Variants in CCSER1 observed in about 807,000 individuals in gnomAD.
The protein encoded by CCSER1 is serine-rich coiled-coil domain-containing protein 1.
A neutral mutation model predicts 82.0 loss-of-function variants in CCSER1; 41 were observed. The ratio of observed to expected loss-of-function variants is 0.50; its 90% confidence interval spans 0.39 to 0.65. CCSER1 has a LOEUF of 0.65. Ranked by LOEUF, CCSER1 falls within the 30% of genes least tolerant of loss-of-function variation. The pLI, the probability that CCSER1 is intolerant of heterozygous loss-of-function variation, is 0.00. For missense variants in CCSER1, 1,119 were observed against 1,064.2 expected (o/e 1.05, Z -0.72); for synonymous variants, 414 against 383.9 (o/e 1.08, Z -0.92).
At chr4:90,513,024 G>A (rs1001584672) in intron 5 of CCSER1, among the ~76,000 whole-genome samples, 43 of 152,172 alleles carry the variant, frequency 2.8e-4, no homozygotes, top group African/African-American at 9.6e-4. Flanking sequence ...AGCCGCTTGT[G>A]GGTAACTGGT....
Position 91,155,571 on chromosome 4 carries a change from A to T in CCSER1, c.2217+69577A>T, listed in dbSNP as rs1014019102. On this transcript the variant is annotated intron_variant, in intron 10 of 10. Coordinates refer to ENST00000509176, the MANE Select transcript of CCSER1 (RefSeq NM_001145065.2). ...ATTTGGGAGTCATGAACAAGTAGAG[A>T]GGGTCAACTTTCCATATCATTTTCA... is the stretch of plus-strand genomic sequence containing the variant. Among the ~76,000 whole-genome samples, 14 of 151,956 alleles carry T rather than the reference A, an allele frequency of 9.2e-5. 1 individual carries two copies. Among genetic ancestry groups the T allele is most frequent in the Non-Finnish European group, 1.9e-4 (13 of 67,908 alleles).
intron 7 of CCSER1, among the ~76,000 whole-genome samples, chr4:90,814,158 C>T (rs546577636): frequency 3.9e-4 from 60 of 152,288 alleles, no homozygotes; most frequent in African/African-American, 1.3e-3. Flanking sequence ...CTGGGCTGTA[C>T]GTTGGCCCCT....
At chr4:91,035,212 T>C (rs1056981971) in intron 9 of CCSER1, among the ~76,000 whole-genome samples, 3 of 151,026 alleles carry the variant, frequency 2.0e-5, no homozygotes, top group Non-Finnish European at 2.9e-5. Flanking sequence ...ACCAAAAGAT[T>C]AGTATTAAAC....
At chr4:90,476,294 A>G (rs1765096398) in intron 5 of CCSER1, among the ~76,000 whole-genome samples, 1 of 151,922 alleles carries the variant, frequency 6.6e-6, no homozygotes, top group Non-Finnish European at 1.5e-5. Flanking sequence ...TGCCTTCACC[A>G]CTCACTCTGT....
intron 10 of CCSER1, among the ~76,000 whole-genome samples, chr4:91,099,862 T>C (rs768867288): frequency 2.6e-5 from 4 of 152,154 alleles, no homozygotes; most frequent in Non-Finnish European, 5.9e-5. Context: ...GGTTTCCTAT[T>C]CAGATCTTTA....
intron 10 of CCSER1, among the ~76,000 whole-genome samples, chr4:91,224,807 A>AT (rs1343273586): frequency 1.3e-5 from 2 of 151,416 alleles, no homozygotes; most frequent in African/African-American, 2.4e-5. Flanking sequence ...CATTGTTACT[A>AT]TTTTTTTTAA....
chr4:91,387,935 GA>G (rs543752912), intron 10 of CCSER1, among the ~76,000 whole-genome samples: 7 of 151,598 alleles, frequency 4.6e-5, no homozygotes, highest in South Asian at 2.1e-4. Flanking sequence ...ATGAAATGTA[GA>G]AAAAAAATGT....
chr4:91,380,938 C>T (rs191660033), intron 10 of CCSER1, among the ~76,000 whole-genome samples: 2 of 152,236 alleles, frequency 1.3e-5, no homozygotes, highest in Admixed American at 1.3e-4. Flanking sequence ...ATAGGACAGG[C>T]CTAGTGGTGA....
intron 4 of CCSER1, among the ~76,000 whole-genome samples, chr4:90,410,833 G>C (rs907583016): frequency 6.6e-6 from 1 of 152,150 alleles, no homozygotes; most frequent in African/African-American, 2.4e-5. Context: ...AATGAATCCA[G>C]GAGCTGGTTT....
chr4:91,256,664 C>T (rs1740710643), intron 10 of CCSER1, among the ~76,000 whole-genome samples: 1 of 152,070 alleles, frequency 6.6e-6, no homozygotes, highest in South Asian at 2.1e-4. Context: ...GGGCTGGTTC[C>T]CCTGATACCA....
intron 10 of CCSER1, among the ~76,000 whole-genome samples, chr4:91,088,586 A>G (rs1723619209): frequency 6.6e-6 from 1 of 152,216 alleles, no homozygotes; most frequent in African/African-American, 2.4e-5. Flanking sequence ...ATATACAAAA[A>G]TAGTTATTAG....
intron 5 of CCSER1, among the ~76,000 whole-genome samples, chr4:90,574,152 T>C (rs896486727): frequency 2.0e-5 from 3 of 151,844 alleles, no homozygotes; most frequent in African/African-American, 7.3e-5. Flanking sequence ...TAGTATTTCT[T>C]GTTTTTTTTT....
At chr4:91,470,896 G>A (rs111353763) in intron 10 of CCSER1, among the ~76,000 whole-genome samples, 14 of 152,034 alleles carry the variant, frequency 9.2e-5, no homozygotes, top group Non-Finnish European at 1.6e-4. Flanking sequence ...TATATTCATA[G>A]CAATCCATTT....
intron 9 of CCSER1, among the ~76,000 whole-genome samples, chr4:91,043,904 A>G (rs772126951): frequency 3.3e-5 from 5 of 152,152 alleles, no homozygotes; most frequent in Admixed American, 6.6e-5. Flanking sequence ...TCTTATGGAA[A>G]AGCTGGATTC....
At chr4:90,168,536 A>G (rs557006691) in intron 1 of CCSER1, among the ~76,000 whole-genome samples, 1 of 152,276 alleles carries the variant, frequency 6.6e-6, no homozygotes, top group South Asian at 2.1e-4. Flanking sequence ...TGTTTTAGAC[A>G]TGAAGTCCTT....
chr4:91,524,565 C>G (rs1760674429), intron 10 of CCSER1, among the ~76,000 whole-genome samples: 1 of 152,014 alleles, frequency 6.6e-6, no homozygotes, highest in Non-Finnish European at 1.5e-5. Flanking sequence ...ATATTAATTG[C>G]TAGTAATTTG....
chr4:91,011,854 G>A lies in CCSER1; in HGVS notation c.2173-74096G>A, dbSNP rs1475511324. Among the ~76,000 whole-genome samples, 2 of 134,656 alleles carry A rather than the reference G, an allele frequency of 1.5e-5. 1 individual carries two copies. Among genetic ancestry groups the A allele is most frequent in the Non-Finnish European group, 3.5e-5 (2 of 57,772 alleles). 88.3% of individuals were successfully genotyped at this position (134,656 alleles called of 152,430 possible). On this transcript the variant is annotated intron_variant, in intron 9 of 10. Coordinates refer to ENST00000509176, the MANE Select transcript of CCSER1 (RefSeq NM_001145065.2). The stretch of plus-strand genomic sequence containing the variant: ...ACAGGAACAGCCAAGGCATAGAATT[G>A]TGGAACACAATTGTGGCTTGGGCCC...
At chr4:90,519,166 T>C (rs945041909) in intron 5 of CCSER1, among the ~76,000 whole-genome samples, 20 of 151,862 alleles carry the variant, frequency 1.3e-4, no homozygotes, top group Non-Finnish European at 1.8e-4. Flanking sequence ...TTCATTCATT[T>C]ATTCATTCAT....
At position 90,483,216 on chromosome 4, in the gene CCSER1, G is replaced by A. The variant is rs529197753; in HGVS notation, c.1724+14862G>A. On this transcript the variant is annotated intron_variant, in intron 5 of 10. Transcript: ENST00000509176. ...CAACCCCTGCCTTTTTTTGTTTTCCGTTTGCTTGGCAGATCTTCCTCCATC... is the reference window on the plus strand; with the variant it reads ...CAACCCCTGCCTTTTTTTGTTTTCCATTTGCTTGGCAGATCTTCCTCCATC... 1.1e-4 allele frequency among the ~76,000 whole-genome samples: 17 copies of A among 151,546 alleles called. No individual in the cohort carries two copies. In the South Asian group the frequency reaches 2.3e-3, roughly 20 times the overall value.
Sources: allele counts gnomAD v4.1 joint callset (sites outside exome capture counted in the v4.1 genomes callset), GRCh38; gene constraint gnomAD v4.1.1; transcripts MANE v1.5; gene names NCBI Gene and HGNC (gene_info 2026-07-23, HGNC 2026-07-21).